Variants in RAPGEF6 observed in about 807,000 individuals in gnomAD.
The protein encoded by RAPGEF6 is Rap guanine nucleotide exchange factor 6, also known as PDZ domain containing guanine nucleotide exchange factor (GEF) 2.
A neutral mutation model predicts 171.4 loss-of-function variants in RAPGEF6; 56 were observed. That is an observed-to-expected ratio of 0.33 (90% CI 0.26 to 0.41). The LOEUF (loss-of-function observed/expected upper bound fraction) is 0.41. RAPGEF6 is among the 10% of genes least tolerant of loss of function. RAPGEF6 has a pLI of 1.00. For synonymous variants in RAPGEF6, 692 were observed against 650.1 expected (o/e 1.06, Z -0.98); for missense variants, 1,674 against 1,921.4 (o/e 0.87, Z 2.41).
intron 6 of RAPGEF6, among the ~76,000 whole-genome samples, chr5:131,524,940 T>C (rs575270424): frequency 3.3e-5 from 5 of 152,176 alleles, no homozygotes; most frequent in Non-Finnish European, 7.3e-5. Flanking sequence ...ATTAATTACC[T>C]TGATTTGTTT....
At chr5:131,603,367 G>A in intron 2 of RAPGEF6, 40 bp from the exon 3 acceptor site, 1 of 1,341,534 alleles carries the variant, frequency 7.5e-7, no homozygotes, top group Non-Finnish European at 1.0e-6. Flanking sequence ...CTTACATTTT[G>A]TTTTTAAAAT....
chr5:131,549,547 A>C (rs1486562071), intron 5 of RAPGEF6, among the ~76,000 whole-genome samples: 1 of 152,182 alleles, frequency 6.6e-6, no homozygotes, highest in Non-Finnish European at 1.5e-5. Flanking sequence ...ATACTGCAAT[A>C]AAAGTTATGT....
chr5:131,466,549 G>T (rs1246143566), intron 17 of RAPGEF6, among the ~76,000 whole-genome samples: 5 of 152,172 alleles, frequency 3.3e-5, no homozygotes, highest in African/African-American at 1.2e-4. Context: ...TCATGGGGGT[G>T]AGTCTTTCTC....
At chr5:131,553,044 T>C (rs1344676228) in intron 5 of RAPGEF6, among the ~76,000 whole-genome samples, 1 of 152,116 alleles carries the variant, frequency 6.6e-6, no homozygotes, top group African/African-American at 2.4e-5. Flanking sequence ...CAGTTGAAGC[T>C]TGACCAGGAC....
intron 16 of RAPGEF6, among the ~76,000 whole-genome samples, chr5:131,479,074 T>C (rs1156995021): frequency 6.6e-6 from 1 of 152,068 alleles, no homozygotes. Context: ...TAAGTTTTGG[T>C]GATATCCCAT....
intron 12 of RAPGEF6, among the ~76,000 whole-genome samples, chr5:131,497,832 T>C (rs1250028922): frequency 6.6e-6 from 1 of 152,212 alleles, no homozygotes; most frequent in Admixed American, 6.5e-5. Flanking sequence ...TTCTTACCAA[T>C]TTGTGGAAGT....
In RAPGEF6 at chr5:131,426,230, G is replaced by C. The variant is rs1172209722; in HGVS notation, c.*1036C>G. On this transcript the variant is annotated 3_prime_UTR_variant, in exon 28 of 28. Transcript: ENST00000509018. ...GACACAACCTGGTGCTATGAGATGT[G>C]GGGGAGGCATGCTGCAGAACACTGC... 6.6e-6 allele frequency: 1 copy of C among 152,248 alleles called. No individual in the cohort carries two copies. Among genetic ancestry groups the C allele is most frequent in the Non-Finnish European group, 1.5e-5 (1 of 68,032 alleles). 9.4% of individuals were successfully genotyped at this position (152,248 alleles called of 1,614,324 possible). A position where few individuals can be genotyped will look rare whatever the true frequency, so the allele number is the denominator to read the frequency against.
intron 1 of RAPGEF6, among the ~76,000 whole-genome samples, chr5:131,629,247 A>T (rs1228773471): frequency 6.6e-6 from 1 of 152,132 alleles, no homozygotes; most frequent in Non-Finnish European, 1.5e-5. Context: ...TGGGAGGCTG[A>T]GGTGGGAGGA....
chr5:131,603,913 C>T (rs1190653756), intron 2 of RAPGEF6, among the ~76,000 whole-genome samples: 1 of 152,004 alleles, frequency 6.6e-6, no homozygotes, highest in Non-Finnish European at 1.5e-5. Context: ...GGAAAAGTCA[C>T]TGGATAAGCT....
At chr5:131,613,389 G>A (rs1339043651) in intron 1 of RAPGEF6, among the ~76,000 whole-genome samples, 2 of 151,904 alleles carry the variant, frequency 1.3e-5, no homozygotes, top group Non-Finnish European at 1.5e-5. Flanking sequence ...CAGCCTGGGC[G>A]ACACAGCGAG....
intron 4 of RAPGEF6, among the ~76,000 whole-genome samples, chr5:131,571,581 T>C (rs962540509): frequency 6.6e-6 from 1 of 152,208 alleles, no homozygotes; most frequent in African/African-American, 2.4e-5. Flanking sequence ...CCTAAATAAA[T>C]GGAGTGATGT....
intron 5 of RAPGEF6, among the ~76,000 whole-genome samples, chr5:131,558,218 G>GTTT (rs200045599): frequency 3.0e-5 from 4 of 131,558 alleles, no homozygotes; most frequent in Non-Finnish European, 6.7e-5. Flanking sequence ...TGCCAGTTTG[G>GTTT]TTTTTTTTTT....
At chr5:131,625,443 C>A (rs1765852848) in intron 1 of RAPGEF6, among the ~76,000 whole-genome samples, 1 of 152,120 alleles carries the variant, frequency 6.6e-6, no homozygotes, top group Non-Finnish European at 1.5e-5. Flanking sequence ...ACCTCACTAT[C>A]CCACTTAACT....
intron 25 of RAPGEF6, among the ~76,000 whole-genome samples, chr5:131,432,570 A>T (rs909118918): frequency 1.1e-4 from 16 of 152,064 alleles, no homozygotes; most frequent in Non-Finnish European, 2.1e-4. Flanking sequence ...GTGAGCCGAG[A>T]TCGCGCCAGT....
Position 131,429,167 on chromosome 5 carries a change from A to T in RAPGEF6, c.4515T>A (p.Pro1505=). 6.2e-7 allele frequency: 1 copy of T among 1,613,370 alleles called. No homozygotes were observed. Among genetic ancestry groups the T allele is most frequent in the Admixed American group, 1.7e-5 (1 of 59,988 alleles). ...PKKDDRYREP[P]PTPPGYLGIS... ...TCCCCAAATATCCTGGAGGAGTGGG[A>T]GGTGGCTCCCTATACCTATCGTCCT... Residue 1505 remains proline, a synonymous_variant, in exon 27 of 28, where the codon CCT becomes CCA. Coordinates refer to ENST00000509018, the MANE Select transcript of RAPGEF6 (RefSeq NM_016340.6).
At chr5:131,435,205 T>C (rs1005929262) in intron 24 of RAPGEF6, among the ~76,000 whole-genome samples, 14 of 152,182 alleles carry the variant, frequency 9.2e-5, no homozygotes, top group Non-Finnish European at 2.9e-5. Flanking sequence ...CTAGAAAATG[T>C]GTGATTTATA....
At chr5:131,595,214 T>C (rs968432283) in intron 3 of RAPGEF6, among the ~76,000 whole-genome samples, 1 of 152,186 alleles carries the variant, frequency 6.6e-6, no homozygotes, top group Admixed American at 6.5e-5. Flanking sequence ...CCCCATGCTG[T>C]TCTCATGACA....
rs189913296 is a variant in RAPGEF6, at chr5:131,558,922, T to C, written c.351+3056A>G. Among the ~76,000 whole-genome samples the C allele has an allele frequency of 2.6e-3, 389 of 152,314 alleles. 5 individuals carry two copies. The highest frequency in any genetic ancestry group is 0.02 in the South Asian group (98 of 4,826). On this transcript the variant is annotated intron_variant, in intron 5 of 27. Coordinates refer to ENST00000509018, the MANE Select transcript of RAPGEF6 (RefSeq NM_016340.6). ...GTAGGCGTACTCTGTTGTTGATAAG[T>C]GTAGTGTTCCCTGTTATGTCTCTTA... is the stretch of plus-strand genomic sequence containing the variant.
chr5:131,613,044 G>T (rs1765030466), intron 1 of RAPGEF6, among the ~76,000 whole-genome samples: 1 of 152,012 alleles, frequency 6.6e-6, no homozygotes, highest in African/African-American at 2.4e-5. Flanking sequence ...TATTTTAAAG[G>T]GACAATTTGG....
Sources: allele counts gnomAD v4.1 joint callset (sites outside exome capture counted in the v4.1 genomes callset), GRCh38; gene constraint gnomAD v4.1.1; transcripts MANE v1.5; gene names NCBI Gene and HGNC (gene_info 2026-07-23, HGNC 2026-07-21).